ATP2C1: variants seen among roughly 807,000 people sequenced by gnomAD.
ATP2C1 encodes the protein ATPase secretory pathway Ca2+ transporting 1, also known as calcium-transporting ATPase type 2C member 1.
In ATP2C1, 31 loss-of-function variants were observed where a neutral mutation model predicts 120.5. The ratio of observed to expected loss-of-function variants is 0.26; its 90% CI spans 0.19 to 0.35. The LOEUF (loss-of-function observed/expected upper bound fraction) is 0.35. Among genes scored for constraint, ATP2C1 ranks in the 10% least tolerant of loss-of-function variants. ATP2C1 has a pLI of 1.00. For missense variants in ATP2C1, 731 were observed against 1,107.5 expected (o/e 0.66, Z 4.83); for synonymous variants, 351 against 358.7 (o/e 0.98, Z 0.24).
At chr3:130,951,843 T>C (rs980382504) in intron 8 of ATP2C1, among the ~76,000 whole-genome samples, 2 of 152,208 alleles carry the variant, frequency 1.3e-5, no homozygotes, top group African/African-American at 2.4e-5. Context: ...CATTCCACTG[T>C]CATATTATCT....
rs956883374 is a variant in ATP2C1 at position 130,918,424 on chromosome 3, C to T, written c.7-11992C>T. On this transcript the variant is annotated intron_variant, in intron 2 of 27. Transcript: ENST00000510168. ...CCAGTTACCTTCTCAGCAGCATGTA[C>T]GGAATCCCCACATCTGGAACACTTC... 1.0e-4 allele frequency: 101 copies of T among 1,005,518 alleles called. 1 individual carries two copies. In the African/African-American group the frequency reaches 1.4e-3, roughly 14 times the overall value. The allele number at this position is 1,005,518 out of a possible 1,614,324, so 62.3% of individuals were successfully genotyped here.
chr3:130,857,853 T>A (rs28495344), intron 1 of ATP2C1, among the ~76,000 whole-genome samples: 1,837 of 152,146 alleles, frequency 0.012, 33 homozygotes, highest in East Asian at 0.085. Context: ...CAAGGTGAAA[T>A]CCCACAATAG....
intron 14 of ATP2C1, among the ~76,000 whole-genome samples, 178 bp downstream of exon 14, chr3:130,965,223 C>G (rs1025072631): frequency 6.6e-6 from 1 of 151,990 alleles, no homozygotes; most frequent in African/African-American, 2.4e-5. Context: ...TACACTTGTT[C>G]AATCCAAAAA....
At chr3:130,889,911 G>A (rs563866112), upstream of ATP2C1, among the ~76,000 whole-genome samples, 13 of 152,226 alleles carry the variant, frequency 8.5e-5, no homozygotes, top group African/African-American at 3.1e-4. Context: ...CTCCCAAAAT[G>A]TTGGGATTAC....
intron 1 of ATP2C1, among the ~76,000 whole-genome samples, chr3:130,865,100 G>A (rs898930469): frequency 1.3e-5 from 2 of 152,210 alleles, no homozygotes; most frequent in South Asian, 4.1e-4. Flanking sequence ...AGCCACAGGG[G>A]TGGAGCTGCC....
chr3:130,957,874 G>A (rs527429940), intron 11 of ATP2C1, among the ~76,000 whole-genome samples: 4 of 152,150 alleles, frequency 2.6e-5, no homozygotes, highest in Admixed American at 6.6e-5. Flanking sequence ...TACAATATTA[G>A]TTGAAATAAC....
chr3:130,934,559 C>A (rs2059586362), intron 4 of ATP2C1, 63 bp from the exon 5 acceptor site: 3 of 1,066,778 alleles, frequency 2.8e-6, no homozygotes, highest in Non-Finnish European at 2.9e-6. Context: ...TTTTTTAAAG[C>A]CTTTGCTGAG....
At chr3:131,003,757 T>C (rs147041084), downstream of ATP2C1, among the ~76,000 whole-genome samples, 7 of 152,336 alleles carry the variant, frequency 4.6e-5, no homozygotes, top group African/African-American at 1.7e-4. Context: ...AGGGTATGTA[T>C]TTTACATTGG....
chr3:130,860,935 A>G (rs2067994323), intron 1 of ATP2C1, among the ~76,000 whole-genome samples: 1 of 152,172 alleles, frequency 6.6e-6, no homozygotes. Context: ...AGTTTATTCA[A>G]TTTGGGAGAC....
chr3:130,905,422 A>G (rs2058077699), intron 2 of ATP2C1, among the ~76,000 whole-genome samples: 1 of 152,036 alleles, frequency 6.6e-6, no homozygotes, highest in South Asian at 2.1e-4. Flanking sequence ...AACTGTTCTC[A>G]ACCACAGTAT....
chr3:130,894,396 G>A lies in ATP2C1; in HGVS notation c.-181+59G>A, dbSNP rs2069387423. 1 of 1,169,714 alleles carries A rather than the reference G, an allele frequency of 8.5e-7. No individual in the cohort carries two copies. Among genetic ancestry groups the A allele is most frequent in the Non-Finnish European group, 1.1e-6 (1 of 938,784 alleles). 72.5% of individuals were successfully genotyped at this position (1,169,714 alleles called of 1,614,324 possible). On this transcript the variant is annotated intron_variant, in intron 1 of 27. Transcript: ENST00000510168. The surrounding 1 kb of genome is among the most constrained non-coding windows in gnomAD (Gnocchi z 4.5). Reference sequence around the variant, plus strand: ...TAGAAACTTCCAGGTTCTGAAGGAAGGGGAGGTTCGGGTATCCCCTGGATG... The same window carrying A: ...TAGAAACTTCCAGGTTCTGAAGGAAAGGGAGGTTCGGGTATCCCCTGGATG...
chr3:130,850,716 C>G (rs919659584), exon 1 of ATP2C1: 1 of 520,450 alleles, frequency 1.9e-6, no homozygotes, highest in East Asian at 3.4e-5. Context: ...GGGAAGTTGT[C>G]GAGCTACAAA....
intron 5 of ATP2C1, among the ~76,000 whole-genome samples, chr3:130,935,366 C>T (rs905444952): frequency 6.6e-6 from 1 of 152,186 alleles, no homozygotes; most frequent in African/African-American, 2.4e-5. Flanking sequence ...GCTGTATTTA[C>T]AGCATACATT....
chr3:130,855,742 A>G (rs1374246752), intron 1 of ATP2C1: 1 of 152,212 alleles, frequency 6.6e-6, no homozygotes, highest in Non-Finnish European at 1.5e-5. Flanking sequence ...CAACTTGTCA[A>G]CTTGTCAATA....
At chr3:130,978,840 G>A (rs1251816539) in intron 18 of ATP2C1, among the ~76,000 whole-genome samples, 1 of 152,182 alleles carries the variant, frequency 6.6e-6, no homozygotes, top group Non-Finnish European at 1.5e-5. Flanking sequence ...AGATCCGTTA[G>A]AAGCCACCTT....
chr3:130,988,680 G>A (rs557843481), intron 20 of ATP2C1, among the ~76,000 whole-genome samples: 115 of 152,238 alleles, frequency 7.6e-4, no homozygotes, highest in Non-Finnish European at 1.2e-3. Flanking sequence ...CATGTCTCTC[G>A]GAGAAATGAG....
chr3:130,875,082 A>G (rs915455949), intron 1 of ATP2C1, among the ~76,000 whole-genome samples: 22 of 152,332 alleles, frequency 1.4e-4, no homozygotes, highest in Admixed American at 3.9e-4. Context: ...AGTAAGGGCA[A>G]TTAGCATATC....
chr3:130,893,738 C>T (rs1158185427), upstream of ATP2C1, among the ~76,000 whole-genome samples: 3 of 152,134 alleles, frequency 2.0e-5, no homozygotes, highest in Admixed American at 1.3e-4. Flanking sequence ...GTGGCCGACA[C>T]GGGGCGTGGG....
chr3:130,972,789 T>G (rs1267675903), intron 17 of ATP2C1, among the ~76,000 whole-genome samples: 2 of 151,750 alleles, frequency 1.3e-5, no homozygotes, highest in South Asian at 4.2e-4. Context: ...ACAAAGGACA[T>G]GAACTCATCA....
Sources: allele counts gnomAD v4.1 joint callset (sites outside exome capture counted in the v4.1 genomes callset), GRCh38; gene constraint gnomAD v4.1.1; non-coding constraint Gnocchi (gnomAD v3.1); transcripts MANE v1.5; gene names NCBI Gene and HGNC (gene_info 2026-07-23, HGNC 2026-07-21).